ARAP3: variants seen among roughly 807,000 people sequenced by gnomAD.
ARAP3 encodes arf-GAP with Rho-GAP domain, ANK repeat and PH domain-containing protein 3.
In ARAP3, 82 loss-of-function variants were observed where a neutral mutation model predicts 169.2. The ratio of observed to expected loss-of-function variants is 0.48; its 90% CI spans 0.41 to 0.58. The LOEUF (loss-of-function observed/expected upper bound fraction) is 0.58, where lower values mean the gene tolerates loss of function less well. Among genes scored for constraint, ARAP3 ranks in the 20% least tolerant of loss-of-function variants. The pLI, the probability that ARAP3 is intolerant of heterozygous loss-of-function variation, is 0.00. For synonymous variants in ARAP3, 791 were observed against 800.3 expected (o/e 0.99, Z 0.20); for missense variants, 1,764 against 2,018.0 (o/e 0.87, Z 2.41).
intron 18 of ARAP3, 65 bp downstream of exon 18, chr5:141,665,246 A>G (rs2099910481): frequency 1.3e-6 from 2 of 1,593,758 alleles, no homozygotes; most frequent in East Asian, 2.2e-5. Flanking sequence ...CCAGCAGGCC[A>G]GGTTGCAGAG....
intron 4 of ARAP3, among the ~76,000 whole-genome samples, chr5:141,674,839 G>A (rs937708945): frequency 4.6e-5 from 7 of 152,184 alleles, no homozygotes; most frequent in African/African-American, 1.7e-4. Flanking sequence ...CCAGGGTGAT[G>A]CAAATTCCCT....
In ARAP3 at chr5:141,672,532, C is replaced by G. The variant is rs767609961; in HGVS notation, c.1385+20G>C. On this transcript the variant is annotated intron_variant, in intron 9 of 32. Coordinates refer to ENST00000239440, the MANE Select transcript of ARAP3 (RefSeq NM_022481.6). This position sits in a 1 kb window ranked among gnomAD's most constrained non-coding sequence, Gnocchi z 4.9. ...CCGCAAAAGTCCCCCAGCCTTGCCT[C>G]CCACTGGCCCAGGCCCCACCTGAAG... is the stretch of plus-strand genomic sequence containing the variant. 6.8e-6 allele frequency: 11 copies of G among 1,613,230 alleles called. No individual in the cohort carries two copies. The highest frequency in any genetic ancestry group is 9.3e-6 in the Non-Finnish European group (11 of 1,179,534).
At chr5:141,679,238 G>A (rs988506053) in intron 4 of ARAP3, among the ~76,000 whole-genome samples, 50 of 152,292 alleles carry the variant, frequency 3.3e-4, no homozygotes, top group Admixed American at 2.7e-3. Context: ...GCAGTGAGCC[G>A]AGATTGTGCC....
In ARAP3 at chr5:141,653,934, A is replaced by T. The variant is rs2099908854; in HGVS notation, c.*16T>A. 6.6e-7 allele frequency: 1 copy of T among 1,512,662 alleles called. No homozygotes were observed. Among genetic ancestry groups the T allele is most frequent in the Non-Finnish European group, 8.8e-7 (1 of 1,131,382 alleles). The allele number at this position is 1,512,662 out of a possible 1,614,324, so 93.7% of individuals were successfully genotyped here. ...GGTCTTCTGGTACCTACCCTCTCAG[A>T]CTGCTGGTCCTAGGGTCATGTGAGG... is the stretch of plus-strand genomic sequence containing the variant. On this transcript the variant is annotated 3_prime_UTR_variant, in exon 33 of 33. Coordinates refer to ENST00000239440, the MANE Select transcript of ARAP3 (RefSeq NM_022481.6).
chr5:141,653,774 G>A lies in ARAP3; in HGVS notation c.*176C>T. The A allele has an allele frequency of 2.6e-6, 2 of 775,338 alleles. No homozygotes were observed. Among genetic ancestry groups the A allele is most frequent in the Admixed American group, 3.5e-5 (1 of 28,280 alleles). The allele number at this position is 775,338 out of a possible 1,614,324, so 48.0% of individuals were successfully genotyped here. ...GATAAATGGGCTGGGCCCAGAGAGG[G>A]GCCATGACCTGTCCTGGGACACGCA... On this transcript the variant is annotated 3_prime_UTR_variant, in exon 33 of 33. Transcript: ENST00000239440.
In ARAP3 at chr5:141,654,188, G is replaced by T; in HGVS notation, c.4397C>A (p.Pro1466His). ...LGQEERPPEP[P>H]PGPPSKSSPQ... is the part of the protein sequence containing the mutation. ...ACTGCTCTTTGAAGGGGGGCCTGGAGGGGGCTCAGGTGGCCTCTCCTCCTG... is the reference window on the plus strand; with the variant it reads ...ACTGCTCTTTGAAGGGGGGCCTGGATGGGGCTCAGGTGGCCTCTCCTCCTG... The change falls in exon 33 of 33, where the codon CCT (proline) becomes CAT (histidine). Residue 1466 changes from proline (P) to histidine (H), a missense_variant. Transcript: ENST00000239440. The T allele has an allele frequency of 1.9e-6, 3 of 1,614,044 alleles. No homozygotes were observed. The highest frequency in any genetic ancestry group is 2.5e-6 in the Non-Finnish European group (3 of 1,179,938).
intron 4 of ARAP3, among the ~76,000 whole-genome samples, 177 bp downstream of exon 4, chr5:141,679,368 T>C (rs1409614298): frequency 6.6e-6 from 1 of 152,236 alleles, no homozygotes; most frequent in Non-Finnish European, 1.5e-5. Flanking sequence ...TTTTATTCCC[T>C]GTCTGTCCCA....
At chr5:141,655,266 A>G in intron 32 of ARAP3, 96 bp downstream of exon 32, 1 of 1,234,192 alleles carries the variant, frequency 8.1e-7, no homozygotes, top group Non-Finnish European at 1.1e-6. Context: ...ACACCCCCTG[A>G]TGGCCTACAT....
chr5:141,670,643 G>A lies in ARAP3; in HGVS notation c.1991-15C>T, dbSNP rs760697089. On this transcript the variant is annotated splice_polypyrimidine_tract_variant and intron_variant, in intron 13 of 32. Coordinates refer to ENST00000239440, the MANE Select transcript of ARAP3 (RefSeq NM_022481.6). Reference sequence around the variant, plus strand: ...AGGGGAGGGGTCTGCAAGGGGAAGGGGAAGTAGTCAGGTCAACCAAGTGCA... The same window carrying A: ...AGGGGAGGGGTCTGCAAGGGGAAGGAGAAGTAGTCAGGTCAACCAAGTGCA... The A allele has an allele frequency of 6.2e-7, 1 of 1,610,514 alleles. No homozygotes were observed. Among genetic ancestry groups the A allele is most frequent in the Non-Finnish European group, 8.5e-7 (1 of 1,176,824 alleles).
chr5:141,661,835 A>G, intron 20 of ARAP3, 46 bp from the exon 21 acceptor site: 1 of 1,597,918 alleles, frequency 6.3e-7, no homozygotes, highest in Non-Finnish European at 8.6e-7. Flanking sequence ...GGGAAGAAAG[A>G]GTGGCAGCTG....
intron 32 of ARAP3, among the ~76,000 whole-genome samples, chr5:141,655,122 C>T (rs946417644): frequency 4.7e-5 from 7 of 150,330 alleles, no homozygotes; most frequent in African/African-American, 1.7e-4. Flanking sequence ...TGTCCCTCTC[C>T]CTCTCCCTTT....
intron 22 of ARAP3, 70 bp from the exon 23 acceptor site, chr5:141,659,546 G>A (rs2099909674): frequency 6.5e-7 from 1 of 1,538,614 alleles, no homozygotes; most frequent in Non-Finnish European, 9.0e-7. Context: ...CAAGGCCAAG[G>A]AGGACCTGTT....
chr5:141,666,349 C>A, intron 17 of ARAP3, 75 bp downstream of exon 17: 1 of 1,316,026 alleles, frequency 7.6e-7, no homozygotes, highest in Non-Finnish European at 9.9e-7. Context: ...TAAGAACCCC[C>A]AAATAATAAA....
At position 141,671,065 on chromosome 5, in the gene ARAP3, ACACCCAGACC is replaced by A. The variant is rs536268531; in HGVS notation, c.1990+190_1990+199del. On this transcript the variant is annotated intron_variant, in intron 13 of 32. Coordinates refer to ENST00000239440, the MANE Select transcript of ARAP3 (RefSeq NM_022481.6). This position sits in a 1 kb window ranked among gnomAD's most constrained non-coding sequence, Gnocchi z 4.9. ...GGGTGGACCAGCACTAGCACCTGGA[ACACCCAGACC>A]CTCCCCAGCCATGACCGTCATCAGC... Among the ~76,000 whole-genome samples the A allele has an allele frequency of 2.6e-3, 396 of 152,344 alleles. 3 individuals carry two copies. The highest frequency in any genetic ancestry group is 9.2e-3 in the African/African-American group (383 of 41,564).
chr5:141,666,603 C>T lies in ARAP3; in HGVS notation c.2393G>A (p.Gly798Glu), dbSNP rs761120261. 2 of 1,487,740 alleles carry T rather than the reference C, an allele frequency of 1.3e-6. No individual in the cohort carries two copies. The highest frequency in any genetic ancestry group is 2.7e-5 in the South Asian group (2 of 75,434). The allele number at this position is 1,487,740 out of a possible 1,614,324, so 92.2% of individuals were successfully genotyped here. A position where few individuals can be genotyped will look rare whatever the true frequency, so the allele number is the denominator to read the frequency against. Residue 798 changes from glycine to glutamate, a missense_variant, in exon 17 of 33, where the codon GGG becomes GAG. Gly to Glu is a moderately conservative substitution (Grantham distance 98, BLOSUM62 -2). This residue lies in a region of ARAP3 where 1,112 missense variants were observed against 1,285.7 expected (regional missense o/e 0.86). Transcript: ENST00000239440. ...PLSCHQLLGP[G>E]LLRLGRLWLR... ...CCATAGGCGGCCCAGCCGCAGCAGC[C>T]CGGGGCCCAGCAGCTGGTGGCAGCT... is the stretch of plus-strand genomic sequence containing the variant.
rs1188503754 is a variant in ARAP3 at position 141,666,647 on chromosome 5, T to C, written c.2353-4A>G. 16 of 1,370,166 alleles carry C rather than the reference T, an allele frequency of 1.2e-5. No individual in the cohort carries two copies. The highest frequency in any genetic ancestry group is 1.5e-5 in the Non-Finnish European group (16 of 1,053,414). 84.9% of individuals were successfully genotyped at this position (1,370,166 alleles called of 1,614,324 possible). ...GGCAGCTCAGCGGGGAGAACCACTGTAGAGGCAGGGGGAGGACAGGAGAAA... is the reference window on the plus strand; with the variant it reads ...GGCAGCTCAGCGGGGAGAACCACTGCAGAGGCAGGGGGAGGACAGGAGAAA... On this transcript the variant is annotated splice_polypyrimidine_tract_variant and splice_region_variant and intron_variant, in intron 16 of 32. Transcript: ENST00000239440.
At position 141,661,685 on chromosome 5, in the gene ARAP3, G is replaced by T; in HGVS notation, c.3118C>A (p.Arg1040=). 2 of 1,614,104 alleles carry T rather than the reference G, an allele frequency of 1.2e-6. No individual in the cohort carries two copies. The highest frequency in any genetic ancestry group is 1.7e-6 in the Non-Finnish European group (2 of 1,179,940). The change falls in exon 21 of 33, where the codon CGG becomes AGG. Residue 1040 remains arginine (R), a splice_region_variant and synonymous_variant. Coordinates refer to ENST00000239440, the MANE Select transcript of ARAP3 (RefSeq NM_022481.6). ...TLATLIGHLY[R]VQKCAALNQM... is the part of the protein sequence containing the mutation. ...TGCAGAGGGTCTAGCCATACTGACC[G>T]ATAGAGATGCCCAATGAGGGTGGCC...
chr5:141,680,482 G>A lies in ARAP3; in HGVS notation c.5C>T (p.Ala2Val), dbSNP rs914129375. 1 of 1,592,476 alleles carries A rather than the reference G, an allele frequency of 6.3e-7. No homozygotes were observed. The highest frequency in any genetic ancestry group is 8.5e-7 in the Non-Finnish European group (1 of 1,171,254). The part of the protein sequence containing the change: M[A>V]APQDLDIAVW... Reference sequence around the variant, plus strand: ...AGCGATGTCCAGGTCCTGAGGGGCAGCCATGGGGGCTCAGGCCATTGCTGG... The same window carrying A: ...AGCGATGTCCAGGTCCTGAGGGGCAACCATGGGGGCTCAGGCCATTGCTGG... Residue 2 changes from alanine (A) to valine (V), a missense_variant, in exon 2 of 33, where the codon GCT (alanine) becomes GTT (valine). By Grantham distance (64) the Ala-to-Val change is moderately conservative. This residue lies in a region of ARAP3 where 630 missense variants were observed against 678.7 expected (regional missense o/e 0.93). Transcript: ENST00000239440.
intron 32 of ARAP3, among the ~76,000 whole-genome samples, chr5:141,654,752 T>G (rs151011737): frequency 0.015 from 2,256 of 151,980 alleles, 52 homozygotes; most frequent in African/African-American, 0.052. Flanking sequence ...TTTTTTTTTT[T>G]TTTTGAGACA....
Sources: allele counts gnomAD v4.1 joint callset (sites outside exome capture counted in the v4.1 genomes callset), GRCh38; gene constraint gnomAD v4.1.1; regional missense constraint gnomAD v4.1.1; non-coding constraint Gnocchi (gnomAD v3.1); transcripts MANE v1.5; gene names NCBI Gene and HGNC (gene_info 2026-07-23, HGNC 2026-07-21).